Variants in ADARB2 observed in about 807,000 individuals in gnomAD.
The protein encoded by ADARB2 is adenosine deaminase RNA specific B2 (inactive).
Under a neutral mutation model 62.2 loss-of-function variants are expected in ADARB2, and 25 were observed. The ratio of observed to expected loss-of-function variants is 0.40; its 90% confidence interval spans 0.29 to 0.56. ADARB2 has a LOEUF of 0.56. Ranked by LOEUF, ADARB2 falls within the 20% of genes least tolerant of loss-of-function variation. ADARB2 has a pLI of 0.43. For missense variants in ADARB2, 1,071 were observed against 1,077.4 expected (o/e 0.99, Z 0.08); for synonymous variants, 572 against 500.8 (o/e 1.14, Z -1.90).
chr10:1,465,112 C>T (rs556080446), intron 1 of ADARB2, among the ~76,000 whole-genome samples: 9 of 152,320 alleles, frequency 5.9e-5, no homozygotes, highest in East Asian at 1.9e-4. Context: ...ACGTCCTGCT[C>T]GGTGACAGGC....
chr10:1,395,813 T>C (rs1429566632), intron 1 of ADARB2, among the ~76,000 whole-genome samples: 2 of 152,226 alleles, frequency 1.3e-5, no homozygotes, highest in African/African-American at 2.4e-5. Context: ...CTGTGTCTCA[T>C]AGCGGCTGCC....
chr10:1,396,086 C>T (rs1487950011), intron 1 of ADARB2, among the ~76,000 whole-genome samples: 35 of 152,206 alleles, frequency 2.3e-4, no homozygotes, highest in Admixed American at 2.3e-3. Context: ...AACTGGAAAG[C>T]GAGCAATGAT....
intron 1 of ADARB2, among the ~76,000 whole-genome samples, chr10:1,585,145 T>A (rs1038523020): frequency 6.6e-6 from 1 of 151,996 alleles, no homozygotes; most frequent in Admixed American, 6.6e-5. Context: ...CAATGTAGGT[T>A]CATCGACTAC....
intron 2 of ADARB2, among the ~76,000 whole-genome samples, chr10:1,367,072 G>A (rs563657393): frequency 2.0e-5 from 3 of 149,514 alleles, no homozygotes; most frequent in East Asian, 1.9e-4. Context: ...TTATGACATC[G>A]TTGTTGGAGA....
intron 1 of ADARB2, among the ~76,000 whole-genome samples, chr10:1,730,472 G>A (rs1269941274): frequency 6.6e-6 from 1 of 152,140 alleles, no homozygotes; most frequent in Non-Finnish European, 1.5e-5. Context: ...ACACAAACAC[G>A]AGGGTCCTAG....
At chr10:1,503,758 C>G (rs1026154812) in intron 1 of ADARB2, among the ~76,000 whole-genome samples, 14 of 152,188 alleles carry the variant, frequency 9.2e-5, no homozygotes, top group Admixed American at 9.2e-4. Flanking sequence ...TAAGTGAGCT[C>G]TGGCTAGATG....
intron 1 of ADARB2, among the ~76,000 whole-genome samples, chr10:1,656,290 G>A (rs970045366): frequency 5.3e-5 from 8 of 152,194 alleles, no homozygotes; most frequent in Non-Finnish European, 1.2e-4. Flanking sequence ...CTCAGATGAC[G>A]TCGAACCTAG....
At chr10:1,634,750 A>G (rs1833892609) in intron 1 of ADARB2, among the ~76,000 whole-genome samples, 1 of 152,268 alleles carries the variant, frequency 6.6e-6, no homozygotes, top group South Asian at 2.1e-4. Flanking sequence ...AAATATTTTA[A>G]TTGAATTCAA....
chr10:1,689,318 C>A (rs1834638078), intron 1 of ADARB2, among the ~76,000 whole-genome samples: 1 of 152,168 alleles, frequency 6.6e-6, no homozygotes, highest in Non-Finnish European at 1.5e-5. Context: ...GAGTTACCTG[C>A]ACAGGAGGGC....
chr10:1,216,645 C>T (rs111868093), intron 7 of ADARB2: 7,944 of 419,690 alleles, frequency 0.019, 102 homozygotes, highest in Admixed American at 0.029. Context: ...CAGCCTCAGG[C>T]CAGGCTGTGT....
intron 1 of ADARB2, among the ~76,000 whole-genome samples, chr10:1,668,439 C>G (rs1462327780): frequency 7.2e-5 from 11 of 152,200 alleles, no homozygotes; most frequent in South Asian, 2.1e-4. Flanking sequence ...AATTCAGAGA[C>G]AGTTTGCCAA....
At chr10:1,500,361 C>T (rs1831751768) in intron 1 of ADARB2, among the ~76,000 whole-genome samples, 1 of 152,196 alleles carries the variant, frequency 6.6e-6, no homozygotes, top group African/African-American at 2.4e-5. Flanking sequence ...TTTTCTCTGT[C>T]TTTGGAAAGT....
intron 1 of ADARB2, among the ~76,000 whole-genome samples, chr10:1,552,710 G>C (rs1832644802): frequency 6.6e-6 from 1 of 151,670 alleles, no homozygotes; most frequent in Non-Finnish European, 1.5e-5. Context: ...GACAGGAGGA[G>C]GGAGGGAAGG....
intron 1 of ADARB2, among the ~76,000 whole-genome samples, chr10:1,437,595 T>C (rs1456232334): frequency 6.6e-6 from 1 of 152,176 alleles, no homozygotes; most frequent in Non-Finnish European, 1.5e-5. Flanking sequence ...GTGACTCACC[T>C]GAGCCGATTG....
chr10:1,298,919 A>AT (rs1831548936), intron 3 of ADARB2, among the ~76,000 whole-genome samples: 1 of 149,924 alleles, frequency 6.7e-6, no homozygotes, highest in Admixed American at 6.6e-5. Context: ...TTTTATTTTT[A>AT]TTTTTTGTAG....
rs759105715 is a variant in ADARB2 at position 1,200,105 on chromosome 10, G to A, written c.1725C>T (p.Phe575=). The change falls in exon 8 of 10, where the codon TTC becomes TTT. Residue 575 remains phenylalanine, a synonymous_variant. Transcript: ENST00000381312. ...LGLQGALLSH[F]VEPVYLQSIV... ...TGCTCTGCAGGTACACGGGCTCCAC[G>A]AAGTGGGACAGGAGCGCGCCCTGCA... 67 of 1,560,740 alleles carry A rather than the reference G, an allele frequency of 4.3e-5. No individual in the cohort carries two copies. Among genetic ancestry groups the A allele is most frequent in the Non-Finnish European group, 5.4e-5 (62 of 1,153,826 alleles).
chr10:1,190,383 C>T (rs1168637333), intron 8 of ADARB2, among the ~76,000 whole-genome samples: 1 of 150,762 alleles, frequency 6.6e-6, no homozygotes, highest in Non-Finnish European at 1.5e-5. Flanking sequence ...CACCTCCTGC[C>T]TTCGGTGTAT....
At chr10:1,591,683 A>T (rs1328394563) in intron 1 of ADARB2, among the ~76,000 whole-genome samples, 2 of 150,574 alleles carry the variant, frequency 1.3e-5, no homozygotes, top group East Asian at 3.9e-4. Context: ...ACACACGCAC[A>T]CACTCACCAG....
chr10:1,218,815 C>T (rs561030159), intron 6 of ADARB2, among the ~76,000 whole-genome samples: 8 of 151,846 alleles, frequency 5.3e-5, no homozygotes, highest in South Asian at 4.2e-4. Context: ...GAGGCAGAGG[C>T]GGGCGGATCA....
Sources: allele counts gnomAD v4.1 joint callset (sites outside exome capture counted in the v4.1 genomes callset), GRCh38; gene constraint gnomAD v4.1.1; transcripts MANE v1.5; gene names NCBI Gene and HGNC (gene_info 2026-07-23, HGNC 2026-07-21).